Variants in CD101 observed in about 807,000 individuals in gnomAD.
The protein encoded by CD101 is immunoglobulin superfamily member 2.
A neutral mutation model predicts 98.2 loss-of-function variants in CD101; 76 were observed. That is an observed-to-expected ratio of 0.77 (90% confidence interval 0.64 to 0.94). CD101 has a LOEUF of 0.94. CD101 is among the 40% of genes least tolerant of loss of function. The probability of loss-of-function intolerance (pLI) is 0.00; values close to 1 mark genes in which losing one functional copy is unlikely to be tolerated. For missense variants in CD101, 1,145 were observed against 1,218.8 expected (o/e 0.94, Z 0.90); for synonymous variants, 471 against 472.7 (o/e 1.00, Z 0.05).
chr1:117,035,894 T>C (rs948909525), intron 9 of CD101, among the ~76,000 whole-genome samples: 11 of 152,126 alleles, frequency 7.2e-5, no homozygotes, highest in Admixed American at 2.0e-4. Context: ...CCCTATTTTT[T>C]AGAAACCTGT....
chr1:117,030,883 G>T (rs1288651453), intron 8 of CD101, among the ~76,000 whole-genome samples: 3 of 152,192 alleles, frequency 2.0e-5, no homozygotes, highest in Admixed American at 1.3e-4. Flanking sequence ...ATATCAAAAA[G>T]GAGTGCTCCT....
At position 117,034,347 on chromosome 1, in the gene CD101, C is replaced by T. The variant is rs1187228463; in HGVS notation, c.*33+213C>T. The T allele has an allele frequency of 4.7e-5, 24 of 511,126 alleles. No individual in the cohort carries two copies. The Admixed American group carries it at 7.7e-4, about 16-fold the overall frequency. 31.7% of individuals were successfully genotyped at this position (511,126 alleles called of 1,614,324 possible). A position where few individuals can be genotyped will look rare whatever the true frequency, so the allele number is the denominator to read the frequency against. On this transcript the variant is annotated intron_variant, in intron 9 of 9. Transcript: ENST00000682167. ...ACAAGATAGCATCATTACCCTACAT[C>T]TCTTGAAGGTTCAGGTCCCTGGGCT...
rs1653457620 is a variant in CD101, at chr1:117,019,788, A to G, written c.2017+1228A>G. Reference sequence around the variant, plus strand: ...AACATAAACCCACCATTATCATCCAAAGCTCTTTCTTCTGCATTGCCCCTT... The same window carrying G: ...AACATAAACCCACCATTATCATCCAGAGCTCTTTCTTCTGCATTGCCCCTT... On this transcript the variant is annotated intron_variant, in intron 6 of 9. Coordinates refer to ENST00000682167, the MANE Select transcript of CD101 (RefSeq NM_001256106.3). This position sits in a 1 kb window ranked among gnomAD's most constrained non-coding sequence, Gnocchi z 4.3. Among the ~76,000 whole-genome samples, 1 of 151,952 alleles carries G rather than the reference A, an allele frequency of 6.6e-6. No individual in the cohort carries two copies. Among genetic ancestry groups the G allele is most frequent in the African/African-American group, 2.4e-5 (1 of 41,362 alleles).
intron 4 of CD101, among the ~76,000 whole-genome samples, chr1:117,014,226 T>TGTGA (rs1653070308): frequency 7.3e-6 from 1 of 136,926 alleles, no homozygotes; most frequent in Admixed American, 7.5e-5. Context: ...TGTGTGTGTG[T>TGTGA]GTGATATGAA....
In CD101 at chr1:117,006,985, G is replaced by T. The variant is rs1332774551; in HGVS notation, c.44-2865G>T. 6.6e-6 allele frequency among the ~76,000 whole-genome samples: 1 copy of T among 152,156 alleles called. No homozygotes were observed. Among genetic ancestry groups the T allele is most frequent in the African/African-American group, 2.4e-5 (1 of 41,414 alleles). On this transcript the variant is annotated intron_variant, in intron 1 of 9. Transcript: ENST00000682167. The surrounding 1 kb of genome is among the most constrained non-coding windows in gnomAD (Gnocchi z 4.4). ...AACGTGGTACCCATCTTGCTGAAAA[G>T]TGATGGGAAACGTTCGAGAAGTGTT...
At chr1:117,028,156 A>G (rs1654087837) in intron 8 of CD101, among the ~76,000 whole-genome samples, 1 of 152,210 alleles carries the variant, frequency 6.6e-6, no homozygotes. Flanking sequence ...AGTACAGTGC[A>G]GGTAGTATAT....
rs775927244 is a variant in CD101, at chr1:117,021,872, CG to C, written c.2321del (p.Gly774AlafsTer28). On this transcript the variant is annotated frameshift_variant, in exon 7 of 10. Coordinates refer to ENST00000682167, the MANE Select transcript of CD101 (RefSeq NM_001256106.3). LOFTEE classifies it high-confidence loss of function. This position sits in a 1 kb window ranked among gnomAD's most constrained non-coding sequence, Gnocchi z 4.7. ...CATTCTGAATGTGGAAGACAGCGATCGGGGCAAATATCACTGTGCTGTGGAG... is the reference window on the plus strand; with the variant it reads ...CATTCTGAATGTGGAAGACAGCGATCGGGCAAATATCACTGTGCTGTGGAG... ...LHILNVEDSDRGKYHCAVEEW... is the reference protein window; with the variant it reads ...LHILNVEDSDXGKYHCAVEEW... The C allele has an allele frequency of 6.2e-7, 1 of 1,614,122 alleles. No homozygotes were observed. The highest frequency in any genetic ancestry group is 8.5e-7 in the Non-Finnish European group (1 of 1,180,020).
chr1:117,029,203 GAAAAGAAAGAAAA>G lies in CD101; in HGVS notation c.2824+3300_2824+3312del, dbSNP rs1557778889. On this transcript the variant is annotated intron_variant, in intron 8 of 9. Coordinates refer to ENST00000682167, the MANE Select transcript of CD101 (RefSeq NM_001256106.3). ...AGAAAGAAAGAAAGAAAGAAAGAAA[GAAAAGAAAGAAAA>G]GAAAGAAAGAAAGAAAGAAAGAAAG... Among the ~76,000 whole-genome samples the G allele has an allele frequency of 1.2e-3, 80 of 69,098 alleles. 4 individuals are homozygous for G. The highest frequency in any genetic ancestry group is 1.1e-3 in the Admixed American group (7 of 6,174). The allele number at this position is 69,098 out of a possible 152,430, so 45.3% of individuals were successfully genotyped here.
At chr1:117,026,206 A>AG (rs1653914731) in intron 8 of CD101, 1 of 268,620 alleles carries the variant, frequency 3.7e-6, no homozygotes, top group Non-Finnish European at 7.0e-6. Context: ...AAGCTTACTG[A>AG]GGGAAAGGGC....
chr1:117,013,559 G>C lies in CD101; in HGVS notation c.995G>C (p.Gly332Ala). The C allele has an allele frequency of 6.2e-7, 1 of 1,614,194 alleles. No homozygotes were observed. Among genetic ancestry groups the C allele is most frequent in the Non-Finnish European group, 8.5e-7 (1 of 1,180,032 alleles). ...ACTGAAATTGCTCACATTGATGCTG[G>C]TGGAGTCCTGGGCCTGAAGAATGAC... ...NGTEIAHIDA[G>A]GVLGLKNDYK... Residue 332 changes from glycine (G) to alanine (A), a missense_variant, in exon 4 of 10, where the codon GGT becomes GCT. Gly to Ala is a moderately conservative substitution (Grantham distance 60). Transcript: ENST00000682167.
intron 8 of CD101, among the ~76,000 whole-genome samples, chr1:117,028,224 G>T (rs1654094574): frequency 6.6e-6 from 1 of 152,214 alleles, no homozygotes; most frequent in Non-Finnish European, 1.5e-5. Context: ...CGGTACCCAT[G>T]ACGACTAAGA....
chr1:117,013,460 C>G lies in CD101; in HGVS notation c.896C>G (p.Pro299Arg). 6.2e-7 allele frequency: 1 copy of G among 1,614,012 alleles called. No homozygotes were observed. The highest frequency in any genetic ancestry group is 8.5e-7 in the Non-Finnish European group (1 of 1,179,990). Residue 299 changes from proline to arginine, a missense_variant, in exon 4 of 10, where the codon CCC becomes CGC. Physicochemically the swap from Pro to Arg is moderately radical, Grantham distance 103. Transcript: ENST00000682167. ...GACAGCTTGTTTGCTGAAGGGAAAC[C>G]CTTAGAACTGGTTTGCCTGGTTGTA... Reference protein sequence around the residue: ...TADSLFAEGKPLELVCLVVSS... With the variant: ...TADSLFAEGKRLELVCLVVSS...
chr1:117,018,892 AG>A lies in CD101; in HGVS notation c.2017+333del, dbSNP rs1297787479. Among the ~76,000 whole-genome samples the A allele has an allele frequency of 6.6e-6, 1 of 152,194 alleles. No individual in the cohort carries two copies. The highest frequency in any genetic ancestry group is 1.5e-5 in the Non-Finnish European group (1 of 68,038). ...CTCTAGGACCTGGCTAGAGGGGAGAAGAAATGTTTTGGATTAGTCACTGTCC... is the reference window on the plus strand; with the variant it reads ...CTCTAGGACCTGGCTAGAGGGGAGAAAAATGTTTTGGATTAGTCACTGTCC... On this transcript the variant is annotated intron_variant, in intron 6 of 9. Transcript: ENST00000682167. The surrounding 1 kb of genome is among the most constrained non-coding windows in gnomAD (Gnocchi z 4.3).
At chr1:117,034,249 G>A (rs41302812) in intron 9 of CD101, 115 bp downstream of exon 9, 20 of 918,180 alleles carry the variant, frequency 2.2e-5, no homozygotes, top group Non-Finnish European at 3.1e-5. Flanking sequence ...TTCACTGAGT[G>A]CTTATTGGTT....
rs1165021305 is a variant in CD101 at position 117,013,894 on chromosome 1, A to G, written c.1228+102A>G. On this transcript the variant is annotated intron_variant, in intron 4 of 9. Transcript: ENST00000682167. The stretch of plus-strand genomic sequence containing the variant: ...TACAATGGGGATCTTCATGAAGAGC[A>G]GGTTTCAATCAGATCACATTGGAGG... 7.1e-5 allele frequency: 93 copies of G among 1,309,062 alleles called. 3 individuals carry two copies. The highest frequency in any genetic ancestry group is 7.0e-4 in the South Asian group (45 of 64,240). The allele number at this position is 1,309,062 out of a possible 1,614,324, so 81.1% of individuals were successfully genotyped here. A position where few individuals can be genotyped will look rare whatever the true frequency, so the allele number is the denominator to read the frequency against.
chr1:117,006,511 T>G lies in CD101; in HGVS notation c.44-3339T>G, dbSNP rs568313350. On this transcript the variant is annotated intron_variant, in intron 1 of 9. Transcript: ENST00000682167. The surrounding 1 kb of genome is among the most constrained non-coding windows in gnomAD (Gnocchi z 4.4). ...GCTGTCCAGTTTTACCTCTTTCTATTAATCTTTATGCAGCCCTCCCCCATC... is the reference window on the plus strand; with the variant it reads ...GCTGTCCAGTTTTACCTCTTTCTATGAATCTTTATGCAGCCCTCCCCCATC... Among the ~76,000 whole-genome samples the G allele has an allele frequency of 6.6e-6, 1 of 152,274 alleles. No homozygotes were observed. The highest frequency in any genetic ancestry group is 1.5e-5 in the Non-Finnish European group (1 of 68,018).
chr1:117,024,663 A>G (rs1162299736), intron 7 of CD101, among the ~76,000 whole-genome samples: 1 of 152,078 alleles, frequency 6.6e-6, no homozygotes, highest in East Asian at 1.9e-4. Context: ...TCTCTTTAAA[A>G]CTCAGTCTAA....
chr1:117,028,523 C>G (rs1010267525), intron 8 of CD101, among the ~76,000 whole-genome samples: 10 of 152,172 alleles, frequency 6.6e-5, no homozygotes, highest in African/African-American at 1.9e-4. Context: ...GGGATCTGCA[C>G]CAGAGTTGTA....
chr1:117,003,144 A>C lies in CD101; in HGVS notation c.43+1284A>C, dbSNP rs954023165. 9.8e-5 allele frequency among the ~76,000 whole-genome samples: 15 copies of C among 152,300 alleles called. No individual in the cohort carries two copies. The South Asian group carries it at 1.0e-3, about 11-fold the overall frequency. On this transcript the variant is annotated intron_variant, in intron 1 of 9. Coordinates refer to ENST00000682167, the MANE Select transcript of CD101 (RefSeq NM_001256106.3). ...GTGACAGAGTGAGATTCCATCTAAA[A>C]AAACAAACAAACAAACAAAACTCTT...
Sources: allele counts gnomAD v4.1 joint callset (sites outside exome capture counted in the v4.1 genomes callset), GRCh38; gene constraint gnomAD v4.1.1; non-coding constraint Gnocchi (gnomAD v3.1); transcripts MANE v1.5; gene names NCBI Gene and HGNC (gene_info 2026-07-23, HGNC 2026-07-21).